ATF7IP2: variants seen among roughly 807,000 people sequenced by gnomAD.
ATF7IP2 encodes activating transcription factor 7 interacting protein 2.
In ATF7IP2, 42 loss-of-function variants were observed where a neutral mutation model predicts 64.2. That is an observed-to-expected ratio of 0.65 (90% confidence interval 0.51 to 0.85). The LOEUF is 0.85. Ranked by LOEUF, ATF7IP2 falls within the 40% of genes least tolerant of loss-of-function variation. The pLI is 0.00. For missense variants in ATF7IP2, 933 were observed against 784.2 expected (o/e 1.19, Z -2.27); for synonymous variants, 308 against 272.8 (o/e 1.13, Z -1.27).
rs550665732 is a variant in ATF7IP2, at chr16:10,470,549, C to T, written c.1353-1561C>T. Reference sequence around the variant, plus strand: ...TTATAATCCCAGCATCTTGGGAGGCCAGGGCAGGAGGATCACTTGAGGTCA... The same window carrying T: ...TTATAATCCCAGCATCTTGGGAGGCTAGGGCAGGAGGATCACTTGAGGTCA... On this transcript the variant is annotated intron_variant, in intron 9 of 13. Coordinates refer to ENST00000562102, the MANE Select transcript of ATF7IP2 (RefSeq NM_001393719.1). Among the ~76,000 whole-genome samples the T allele has an allele frequency of 2.1e-3, 321 of 152,006 alleles. 2 individuals are homozygous for T. The highest frequency in any genetic ancestry group is 7.4e-4 in the Non-Finnish European group (50 of 67,978).
chr16:10,442,509 A>G (rs1341250216), intron 8 of ATF7IP2, among the ~76,000 whole-genome samples: 1 of 152,216 alleles, frequency 6.6e-6, no homozygotes, highest in Non-Finnish European at 1.5e-5. Flanking sequence ...TACCCTAACT[A>G]TAATTGCAAG....
At chr16:10,451,405 A>G (rs561889238) in intron 8 of ATF7IP2, among the ~76,000 whole-genome samples, 1 of 152,220 alleles carries the variant, frequency 6.6e-6, no homozygotes, top group South Asian at 2.1e-4. Flanking sequence ...TATCCTGAAG[A>G]GTGTTTTCTA....
chr16:10,439,567 CTG>C (rs2048541577), intron 7 of ATF7IP2, among the ~76,000 whole-genome samples: 1 of 123,068 alleles, frequency 8.1e-6, no homozygotes, highest in East Asian at 2.7e-4. Flanking sequence ...CAGTCTCACT[CTG>C]TCGCCTAGGC....
chr16:10,437,639 G>T (rs1236997160), intron 6 of ATF7IP2, among the ~76,000 whole-genome samples: 1 of 152,106 alleles, frequency 6.6e-6, no homozygotes, highest in African/African-American at 2.4e-5. Flanking sequence ...CTTATTAGTG[G>T]TAATGTCAAG....
chr16:10,453,068 C>T (rs1481702095), intron 8 of ATF7IP2, among the ~76,000 whole-genome samples: 6 of 152,184 alleles, frequency 3.9e-5, no homozygotes, highest in Admixed American at 6.5e-5. Context: ...TCCCTGGCTT[C>T]AGCCCCCTTT....
intron 1 of ATF7IP2, among the ~76,000 whole-genome samples, chr16:10,391,613 T>A (rs116261943): frequency 0.012 from 1,827 of 152,164 alleles, 37 homozygotes; most frequent in African/African-American, 0.041. Flanking sequence ...ATATCAAGAA[T>A]GAGGCCGGGT....
rs745380041 is a variant in ATF7IP2, at chr16:10,474,003, T to C, written c.1549+14T>C. 6.5e-7 allele frequency: 1 copy of C among 1,549,532 alleles called. No individual in the cohort carries two copies. The highest frequency in any genetic ancestry group is 8.8e-7 in the Non-Finnish European group (1 of 1,130,968). On this transcript the variant is annotated intron_variant, in intron 12 of 13. Transcript: ENST00000562102. ...ACTGCAATACAGGTAAAAGGATTTT[T>C]TAGATCTTTCTTTTGTAAAAAGGAG...
intron 8 of ATF7IP2, among the ~76,000 whole-genome samples, chr16:10,441,396 C>T (rs1484378793): frequency 2.0e-5 from 3 of 152,168 alleles, no homozygotes; most frequent in Admixed American, 2.0e-4. Flanking sequence ...CCTATTTCTG[C>T]ACATCCTCTC....
intron 9 of ATF7IP2, among the ~76,000 whole-genome samples, chr16:10,460,046 GATTA>G (rs553876125): frequency 4.7e-4 from 72 of 152,096 alleles, no homozygotes; most frequent in Non-Finnish European, 8.5e-4. Context: ...GAAACCTAGA[GATTA>G]ATTATTAAAA....
At chr16:10,460,407 A>G (rs1359872002) in intron 9 of ATF7IP2, among the ~76,000 whole-genome samples, 2 of 152,188 alleles carry the variant, frequency 1.3e-5, no homozygotes, top group African/African-American at 4.8e-5. Context: ...TCAGAGGTCA[A>G]GATACTCTTT....
At position 10,482,327 on chromosome 16, in the gene ATF7IP2, T is replaced by G. The variant is rs2050268491; in HGVS notation, c.*78T>G. On this transcript the variant is annotated 3_prime_UTR_variant, in exon 14 of 14. Coordinates refer to ENST00000562102, the MANE Select transcript of ATF7IP2 (RefSeq NM_001393719.1). ...ATGTTACTGTAATACTATTTGCCAT[T>G]GTAAAAGGCCAGCTCAGATTGTGAG... 1 of 1,135,512 alleles carries G rather than the reference T, an allele frequency of 8.8e-7. No homozygotes were observed. Among genetic ancestry groups the G allele is most frequent in the African/African-American group, 1.6e-5 (1 of 64,052 alleles). The allele number at this position is 1,135,512 out of a possible 1,614,324, so 70.3% of individuals were successfully genotyped here.
chr16:10,464,890 C>T (rs543065513), intron 9 of ATF7IP2, among the ~76,000 whole-genome samples: 2 of 152,304 alleles, frequency 1.3e-5, no homozygotes, highest in South Asian at 4.1e-4. Context: ...AGTGCAACGG[C>T]ACGATCTCAG....
chr16:10,478,208 C>G (rs1310295509), intron 12 of ATF7IP2, among the ~76,000 whole-genome samples: 1 of 149,116 alleles, frequency 6.7e-6, no homozygotes, highest in Non-Finnish European at 1.5e-5. Flanking sequence ...CAATCCTAAG[C>G]CAAAAGAACA....
chr16:10,431,222 T>G lies in ATF7IP2; in HGVS notation c.602T>G (p.Leu201Ter). The change falls in exon 5 of 14, where the codon TTA becomes TGA. Residue 201 changes from leucine (L) to a stop codon, truncating the protein, a stop_gained. Coordinates refer to ENST00000562102, the MANE Select transcript of ATF7IP2 (RefSeq NM_001393719.1). LOFTEE classifies it high-confidence loss of function. ...AAAACTGACCAGATGGTTTTCCATT[T>G]AGAAACAAACTCCAATTCAGAATCA... ...DKKTDQMVFH[L>*]ETNSNSESHD... The G allele has an allele frequency of 1.9e-6, 3 of 1,614,194 alleles. No homozygotes were observed. The highest frequency in any genetic ancestry group is 2.5e-6 in the Non-Finnish European group (3 of 1,180,020).
At chr16:10,387,570 T>A (rs770351928) in intron 1 of ATF7IP2, 1 of 152,272 alleles carries the variant, frequency 6.6e-6, no homozygotes, top group Non-Finnish European at 1.5e-5. Context: ...TGTGTTTCCT[T>A]GCTACTTGGT....
chr16:10,440,126 C>T lies in ATF7IP2; in HGVS notation c.1096-238C>T, dbSNP rs1349154233. ...AGTGAGTCGAGATCGCACCATTGCA[C>T]GCCAGCATGGGCAACAAGAGCGAAA... is the stretch of plus-strand genomic sequence containing the variant. On this transcript the variant is annotated intron_variant, in intron 7 of 13. Transcript: ENST00000562102. Among the ~76,000 whole-genome samples, 6 of 152,066 alleles carry T rather than the reference C, an allele frequency of 3.9e-5. No individual in the cohort carries two copies. In the East Asian group the frequency reaches 5.9e-4, roughly 15 times the overall value.
At chr16:10,423,928 G>A (rs538568182) in intron 3 of ATF7IP2, among the ~76,000 whole-genome samples, 51 of 152,314 alleles carry the variant, frequency 3.3e-4, no homozygotes, top group South Asian at 1.7e-3. Context: ...TCCGGCACAC[G>A]CATAGAAATA....
chr16:10,483,343 A>G lies in ATF7IP2; in HGVS notation c.*1094A>G, dbSNP rs1009616759. 4 of 152,194 alleles carry G rather than the reference A, an allele frequency of 2.6e-5. No individual in the cohort carries two copies. The highest frequency in any genetic ancestry group is 9.7e-5 in the African/African-American group (4 of 41,434). The allele number at this position is 152,194 out of a possible 1,614,324, so 9.4% of individuals were successfully genotyped here. A position where few individuals can be genotyped will look rare whatever the true frequency, so the allele number is the denominator to read the frequency against. On this transcript the variant is annotated 3_prime_UTR_variant, in exon 14 of 14. Transcript: ENST00000562102. Reference sequence around the variant, plus strand: ...ATTTCCTGGCCACCATCACAATACTAAGGGGCTCAGATGTGTCTTGTGCCC... The same window carrying G: ...ATTTCCTGGCCACCATCACAATACTGAGGGGCTCAGATGTGTCTTGTGCCC...
intron 1 of ATF7IP2, among the ~76,000 whole-genome samples, chr16:10,397,731 C>T (rs965528555): frequency 6.6e-5 from 10 of 151,572 alleles, no homozygotes; most frequent in African/African-American, 9.7e-5. Context: ...TAGGTGCACG[C>T]CAGTGGTTTC....
Sources: gnomAD v4.1 joint callset for allele counts (sites outside exome capture counted in the v4.1 genomes callset) on GRCh38, gnomAD v4.1.1 for gene constraint, MANE v1.5 for transcripts, NCBI Gene and HGNC (gene_info 2026-07-23, HGNC 2026-07-21) for gene names.